The following PCDHGA2 variants were observed in gnomAD, a reference collection of about 807,000 sequenced individuals.
The protein encoded by PCDHGA2 is protocadherin gamma subfamily A, 2, also known as protocadherin gamma-A2.
In PCDHGA2, 40 loss-of-function variants were observed where a neutral mutation model predicts 59.2. That is an observed-to-expected ratio of 0.68 (90% CI 0.52 to 0.88). The LOEUF is 0.88. PCDHGA2 is among the 40% of genes least tolerant of loss of function. The pLI, the probability that PCDHGA2 is intolerant of heterozygous loss-of-function variation, is 0.00. For synonymous variants in PCDHGA2, 560 were observed against 526.0 expected, an observed-to-expected ratio of 1.06 and a Z score of -0.89; for missense variants, 1,226 against 1,204.0, an observed-to-expected ratio of 1.02 and a Z score of -0.27.
intron 1 of PCDHGA2, among the ~76,000 whole-genome samples, chr5:141,437,026 A>G (rs1398960659): frequency 6.6e-6 from 1 of 152,258 alleles, no homozygotes; most frequent in Non-Finnish European, 1.5e-5. Context: ...TCACCAGAAA[A>G]TGGATCACCG....
At chr5:141,358,990 A>G (rs552120957) in intron 1 of PCDHGA2, among the ~76,000 whole-genome samples, 2 of 152,376 alleles carry the variant, frequency 1.3e-5, no homozygotes, top group Non-Finnish European at 2.9e-5. Context: ...TCATGAATGC[A>G]TATGCTTACA....
At chr5:141,398,162 A>G (rs1037240871) in intron 1 of PCDHGA2, 45 of 1,481,274 alleles carry the variant, frequency 3.0e-5, no homozygotes, top group Non-Finnish European at 4.0e-5. Flanking sequence ...GGCCGGGCTG[A>G]GAGGCTGCCA....
chr5:141,422,575 C>G, intron 1 of PCDHGA2: 1 of 1,613,976 alleles, frequency 6.2e-7, no homozygotes, highest in Non-Finnish European at 8.5e-7. Flanking sequence ...CAACGATAAC[C>G]CTCCCGTTTT....
intron 1 of PCDHGA2, among the ~76,000 whole-genome samples, chr5:141,466,909 ACTC>A (rs1249720055): frequency 6.6e-6 from 1 of 151,110 alleles, no homozygotes; most frequent in Non-Finnish European, 1.5e-5. Flanking sequence ...GTTTTTGAAA[ACTC>A]CTTGTATTAG....
chr5:141,395,241 A>T (rs1398967812), intron 1 of PCDHGA2: 1 of 1,571,196 alleles, frequency 6.4e-7, no homozygotes, highest in East Asian at 2.3e-5. Context: ...TGGTCAGGTG[A>T]GTTTAGTTCT....
rs2099606506 is a variant in PCDHGA2 at position 141,485,072 on chromosome 5, G to A, written c.2425-9735G>A. ...CCGGCCGAACCGCGCCAGAGCTGGC[G>A]CGGGGAAAGGGAGATAGGTGTCTCC... On this transcript the variant is annotated intron_variant, in intron 1 of 3. Transcript: ENST00000394576. This position sits in a 1 kb window ranked among gnomAD's most constrained non-coding sequence, Gnocchi z 5.7. 2 of 916,892 alleles carry A rather than the reference G, an allele frequency of 2.2e-6. No homozygotes were observed. The highest frequency in any genetic ancestry group is 3.4e-6 in the Non-Finnish European group (2 of 587,886). The allele number at this position is 916,892 out of a possible 1,614,324, so 56.8% of individuals were successfully genotyped here.
intron 1 of PCDHGA2, chr5:141,388,637 T>C (rs993746447): frequency 6.2e-7 from 1 of 1,613,880 alleles, no homozygotes; most frequent in Non-Finnish European, 8.5e-7. Flanking sequence ...GGGTGAGCCT[T>C]TCAGAAAACG....
intron 1 of PCDHGA2, among the ~76,000 whole-genome samples, chr5:141,436,538 A>G (rs1353206648): frequency 6.6e-6 from 1 of 152,194 alleles, no homozygotes; most frequent in Admixed American, 6.5e-5. Context: ...CAAGTTATTT[A>G]ATCTCTTTGA....
chr5:141,359,079 T>A (rs1279133095), intron 1 of PCDHGA2, among the ~76,000 whole-genome samples: 1 of 151,956 alleles, frequency 6.6e-6, no homozygotes, highest in Non-Finnish European at 1.5e-5. Flanking sequence ...CAAAGGAGAG[T>A]TTTAGTTTCT....
At chr5:141,451,315 T>A (rs2154563546) in intron 1 of PCDHGA2, among the ~76,000 whole-genome samples, 1 of 152,330 alleles carries the variant, frequency 6.6e-6, no homozygotes, top group South Asian at 2.1e-4. Context: ...GCAATTAAAG[T>A]GTCACCTAAG....
chr5:141,408,398 C>A, intron 1 of PCDHGA2: 3 of 1,614,028 alleles, frequency 1.9e-6, no homozygotes, highest in Non-Finnish European at 2.5e-6. Context: ...GGCTCGCAAG[C>A]TGCGAGTGAG....
chr5:141,491,293 C>T lies in PCDHGA2; in HGVS notation c.2425-3514C>T. On this transcript the variant is annotated intron_variant, in intron 1 of 3. Transcript: ENST00000394576. This position sits in a 1 kb window ranked among gnomAD's most constrained non-coding sequence, Gnocchi z 6.9. Reference sequence around the variant, plus strand: ...ATCCAGTGACTTCCTCATACACCCTCCTGAGCGTTCAGACCTTACCCTTTA... The same window carrying T: ...ATCCAGTGACTTCCTCATACACCCTTCTGAGCGTTCAGACCTTACCCTTTA... 6.2e-7 allele frequency: 1 copy of T among 1,614,166 alleles called. No homozygotes were observed. The highest frequency in any genetic ancestry group is 1.3e-5 in the African/African-American group (1 of 75,058).
intron 1 of PCDHGA2, among the ~76,000 whole-genome samples, chr5:141,483,084 C>CA (rs898059463): frequency 8.0e-5 from 12 of 150,326 alleles, no homozygotes; most frequent in Admixed American, 2.0e-4. Context: ...GACTCCATCT[C>CA]AAAAAAAAAG....
At chr5:141,406,043 A>G (rs1346440934) in intron 1 of PCDHGA2, among the ~76,000 whole-genome samples, 3 of 150,174 alleles carry the variant, frequency 2.0e-5, no homozygotes, top group East Asian at 3.9e-4. Context: ...CATTGGTTGC[A>G]GTGGACTCAT....
intron 1 of PCDHGA2, among the ~76,000 whole-genome samples, chr5:141,444,275 G>A (rs1427489988): frequency 7.1e-6 from 1 of 141,698 alleles, no homozygotes; most frequent in Non-Finnish European, 1.5e-5. Flanking sequence ...AGGTTCAAGT[G>A]ATTCTCCTGC....
At chr5:141,393,124 T>C in intron 1 of PCDHGA2, 2 of 1,613,430 alleles carry the variant, frequency 1.2e-6, no homozygotes. Flanking sequence ...CGGTGTCTGA[T>C]AAATATTAAC....
intron 1 of PCDHGA2, chr5:141,395,200 A>G: frequency 6.2e-7 from 1 of 1,613,768 alleles, no homozygotes; most frequent in Non-Finnish European, 8.5e-7. Flanking sequence ...ACATCCGTAG[A>G]TTTTCATGAA....
chr5:141,421,429 G>A, intron 1 of PCDHGA2: 1 of 1,614,090 alleles, frequency 6.2e-7, no homozygotes, highest in Non-Finnish European at 8.5e-7. Context: ...AGTCCGCATC[G>A]TCTCCAGAGG....
At chr5:141,465,775 T>TA (rs2099108994) in intron 1 of PCDHGA2, among the ~76,000 whole-genome samples, 1 of 152,030 alleles carries the variant, frequency 6.6e-6, no homozygotes, top group African/African-American at 2.4e-5. Context: ...CATCTCTTGT[T>TA]ACAGTTTTTT....
Sources: gnomAD v4.1 joint callset for allele counts (sites outside exome capture counted in the v4.1 genomes callset) on GRCh38, gnomAD v4.1.1 for gene constraint, Gnocchi (gnomAD v3.1) non-coding constraint, MANE v1.5 for transcripts, NCBI Gene and HGNC (gene_info 2026-07-23, HGNC 2026-07-21) for gene names.